FOCAD: variants seen among roughly 807,000 people sequenced by gnomAD.
FOCAD encodes KIAA1797.
A neutral mutation model predicts 225.6 loss-of-function variants in FOCAD; 198 were observed. The observed-to-expected ratio is 0.88, with a 90% CI of 0.78 to 0.99. The LOEUF (loss-of-function observed/expected upper bound fraction) is 0.99. FOCAD is among the 50% of genes least tolerant of loss of function. The pLI is 0.00. For synonymous variants in FOCAD, 897 were observed against 755.0 expected, an observed-to-expected ratio of 1.19 and a Z score of -3.08; for missense variants, 2,713 against 2,123.6, an observed-to-expected ratio of 1.28 and a Z score of -5.46.
chr9:20,894,337 C>T (rs1831885214), intron 21 of FOCAD, among the ~76,000 whole-genome samples: 1 of 152,152 alleles, frequency 6.6e-6, no homozygotes, highest in Non-Finnish European at 1.5e-5. Context: ...CTACTTTAAA[C>T]ATCTTTGTGC....
chr9:20,958,586 A>G (rs1370040502), intron 35 of FOCAD, among the ~76,000 whole-genome samples: 5 of 152,160 alleles, frequency 3.3e-5, no homozygotes, highest in Admixed American at 3.3e-4. Context: ...TGTATTATTG[A>G]TAACTATACT....
intron 18 of FOCAD, among the ~76,000 whole-genome samples, chr9:20,871,245 T>G (rs1267473265): frequency 6.6e-6 from 1 of 152,122 alleles, no homozygotes; most frequent in Non-Finnish European, 1.5e-5. Context: ...ACTTTCCATT[T>G]AAGTTTTTTA....
chr9:20,805,778 G>C (rs1822375063), intron 11 of FOCAD, among the ~76,000 whole-genome samples: 2 of 152,176 alleles, frequency 1.3e-5, no homozygotes, highest in Non-Finnish European at 2.9e-5. Flanking sequence ...ATAGGGGAAA[G>C]GGGATACGTT....
chr9:20,910,070 G>A (rs192871354), intron 22 of FOCAD, among the ~76,000 whole-genome samples: 22 of 152,164 alleles, frequency 1.4e-4, no homozygotes, highest in South Asian at 4.1e-4. Context: ...CTGCTTAGAC[G>A]TCTGCTTCAA....
chr9:20,656,562 G>C (rs1821482051), upstream of FOCAD, among the ~76,000 whole-genome samples: 1 of 151,620 alleles, frequency 6.6e-6, no homozygotes, highest in Non-Finnish European at 1.5e-5. Context: ...GATCTTTGTT[G>C]GTTTAAAGTC....
chr9:20,830,202 G>C (rs546939229), intron 15 of FOCAD, among the ~76,000 whole-genome samples: 2 of 152,048 alleles, frequency 1.3e-5, no homozygotes, highest in East Asian at 3.9e-4. Context: ...ATGATACTTG[G>C]ACTTTTTTTC....
intron 11 of FOCAD, among the ~76,000 whole-genome samples, chr9:20,804,133 TG>T (rs1169349332): frequency 6.6e-6 from 1 of 152,128 alleles, no homozygotes; most frequent in Non-Finnish European, 1.5e-5. Flanking sequence ...AAATTTTTTT[TG>T]TGTGTTCCTG....
chr9:20,796,764 T>A (rs1821160319), intron 11 of FOCAD, among the ~76,000 whole-genome samples: 1 of 152,104 alleles, frequency 6.6e-6, no homozygotes, highest in Admixed American at 6.5e-5. Context: ...ATTCTGTAGG[T>A]TGCCTGTTCA....
At position 20,815,123 on chromosome 9, in the gene FOCAD, G is replaced by GGTTTTTTTTTTTTTTTTTTTTTTT. The variant is rs796702774; in HGVS notation, c.1456-4673_1456-4672insGTTTTTTTTTTTTTTTTTTTTTTT. 1.1e-3 allele frequency among the ~76,000 whole-genome samples: 97 copies of GGTTTTTTTTTTTTTTTTTTTTTTT among 85,384 alleles called. 23 individuals are homozygous for GGTTTTTTTTTTTTTTTTTTTTTTT. The highest frequency in any genetic ancestry group is 2.1e-3 in the East Asian group (7 of 3,356). The allele number at this position is 85,384 out of a possible 152,430, so 56.0% of individuals were successfully genotyped here. On this transcript the variant is annotated intron_variant, in intron 11 of 43. Coordinates refer to ENST00000338382, the MANE Select transcript of FOCAD (RefSeq NM_001375567.1). Reference sequence around the variant, plus strand: ...TCTGGAAATATCATTACTTCTCTTTGTTTTTTTTTTTTTGTTTTTTTTTTT... The same window carrying GGTTTTTTTTTTTTTTTTTTTTTTT: ...TCTGGAAATATCATTACTTCTCTTTGGTTTTTTTTTTTTTTTTTTTTTTTTTTTTTTTTTTTTGTTTTTTTTTTT...
rs28888154 is a variant in FOCAD, at chr9:20,758,949, C to T, written c.494+758C>T. Among the ~76,000 whole-genome samples the T allele has an allele frequency of 3.2e-3, 487 of 152,228 alleles. 3 individuals carry two copies. Among genetic ancestry groups the T allele is most frequent in the African/African-American group, 0.011 (474 of 41,518 alleles). ...GGATACAAACTCAATGTACAAAAAT[C>T]ACAAGCATTCTTATACACCAATAAC... is the stretch of plus-strand genomic sequence containing the variant. On this transcript the variant is annotated intron_variant, in intron 6 of 43. Transcript: ENST00000338382.
At chr9:20,814,060 T>G (rs1259347916) in intron 11 of FOCAD, among the ~76,000 whole-genome samples, 1 of 152,208 alleles carries the variant, frequency 6.6e-6, no homozygotes, top group Non-Finnish European at 1.5e-5. Context: ...ATCTTCTCAC[T>G]TTCAGCCTGT....
At chr9:20,946,639 T>G in intron 29 of FOCAD, 62 bp from the exon 30 acceptor site, 2 of 1,554,524 alleles carry the variant, frequency 1.3e-6, no homozygotes, top group Non-Finnish European at 1.7e-6. Context: ...TCTTGTCAAC[T>G]AAACCGAGTT....
At chr9:20,977,924 C>A (rs577322662) in intron 36 of FOCAD, among the ~76,000 whole-genome samples, 1 of 152,258 alleles carries the variant, frequency 6.6e-6, no homozygotes, top group Non-Finnish European at 1.5e-5. Context: ...ACTAGAAAGG[C>A]TTGATGACTA....
intron 39 of FOCAD, among the ~76,000 whole-genome samples, chr9:20,983,293 G>T (rs539530736): frequency 2.9e-4 from 44 of 152,132 alleles, no homozygotes; most frequent in Non-Finnish European, 5.6e-4. Context: ...AATATTTGGG[G>T]CCAGGTGCGG....
At chr9:20,908,163 G>C (rs1833143876) in intron 22 of FOCAD, among the ~76,000 whole-genome samples, 1 of 152,074 alleles carries the variant, frequency 6.6e-6, no homozygotes, top group Non-Finnish European at 1.5e-5. Flanking sequence ...GTTTTTCGTA[G>C]CTTAAAATTG....
chr9:20,903,127 C>G (rs1461151977), intron 21 of FOCAD, among the ~76,000 whole-genome samples: 2 of 151,898 alleles, frequency 1.3e-5, no homozygotes, highest in Non-Finnish European at 2.9e-5. Context: ...CCCCATGCTC[C>G]TTTCTAGTCA....
chr9:20,726,555 T>A (rs1826216600), intron 4 of FOCAD: 1 of 152,184 alleles, frequency 6.6e-6, no homozygotes, highest in Non-Finnish European at 1.5e-5. Context: ...TAAAGTGTAT[T>A]TTCTGAGACT....
intron 8 of FOCAD, among the ~76,000 whole-genome samples, chr9:20,777,565 C>T (rs922685140): frequency 5.9e-5 from 9 of 151,844 alleles, no homozygotes; most frequent in Non-Finnish European, 1.3e-4. Context: ...TTTCTATGGT[C>T]ATTGCTCTGC....
chr9:20,992,150 T>G (rs966681790), intron 42 of FOCAD, among the ~76,000 whole-genome samples: 1 of 152,226 alleles, frequency 6.6e-6, no homozygotes, highest in South Asian at 2.1e-4. Flanking sequence ...ATTGGCAGCA[T>G]TCAGTCATTG....
Sources: allele counts gnomAD v4.1 joint callset (sites outside exome capture counted in the v4.1 genomes callset), GRCh38; gene constraint gnomAD v4.1.1; transcripts MANE v1.5; gene names NCBI Gene and HGNC (gene_info 2026-07-23, HGNC 2026-07-21).